XYLT1: variants seen among roughly 807,000 people sequenced by gnomAD.
XYLT1 encodes xylosyltransferase 1.
Under a neutral mutation model 91.3 loss-of-function variants are expected in XYLT1, and 36 were observed. The observed-to-expected ratio is 0.39, with a 90% CI of 0.30 to 0.52. The LOEUF (loss-of-function observed/expected upper bound fraction) is 0.52, where lower values mean the gene tolerates loss of function less well. XYLT1 is among the 20% of genes least tolerant of loss of function. XYLT1 has a pLI of 0.68. For synonymous variants in XYLT1, 588 were observed against 532.0 expected, an observed-to-expected ratio of 1.11 and a Z score of -1.45; for missense variants, 1,242 against 1,284.5, an observed-to-expected ratio of 0.97 and a Z score of 0.51.
At chr16:17,191,668 A>T (rs993285774) in intron 5 of XYLT1, among the ~76,000 whole-genome samples, 4 of 152,128 alleles carry the variant, frequency 2.6e-5, no homozygotes, top group African/African-American at 9.7e-5. Context: ...TCTTCGGGAG[A>T]CTGTAGAGAA....
chr16:17,111,147 G>A (rs752660997), intron 11 of XYLT1, among the ~76,000 whole-genome samples: 2 of 152,092 alleles, frequency 1.3e-5, no homozygotes, highest in Non-Finnish European at 2.9e-5. Context: ...TCGATAGAGT[G>A]AGACTTCATC....
chr16:17,446,321 T>C (rs757393495), intron 1 of XYLT1: 6 of 152,208 alleles, frequency 3.9e-5, no homozygotes, highest in South Asian at 2.1e-4. Context: ...CACAGATATA[T>C]AGATGTATTT....
rs888489961 is a variant in XYLT1 at position 17,198,405 on chromosome 16, A to G, written c.1096T>C (p.Tyr366His). ...YYIHVDKRSN[Y>H]LHRQVLQVSR... ...ACCTGGAGCACTTGCCGATGCAGGTAATTAGAGCGCTTTTCCCAGGAGAGA... is the reference window on the plus strand; with the variant it reads ...ACCTGGAGCACTTGCCGATGCAGGTGATTAGAGCGCTTTTCCCAGGAGAGA... Residue 366 changes from tyrosine (Y) to histidine (H), a missense_variant, in exon 5 of 12, where the codon TAC becomes CAC. This residue lies in a region of XYLT1 where 294 missense variants were observed against 376.0 expected (regional missense o/e 0.78). Transcript: ENST00000261381. 6.2e-7 allele frequency: 1 copy of G among 1,614,034 alleles called. No homozygotes were observed. The highest frequency in any genetic ancestry group is 1.1e-5 in the South Asian group (1 of 91,078).
intron 3 of XYLT1, among the ~76,000 whole-genome samples, chr16:17,230,682 G>A (rs185268292): frequency 1.7e-4 from 26 of 152,210 alleles, no homozygotes; most frequent in Admixed American, 1.6e-3. Flanking sequence ...AAGGTCATCT[G>A]AGCACCTTTC....
chr16:17,144,198 C>T (rs2031070824), intron 6 of XYLT1, among the ~76,000 whole-genome samples: 1 of 152,204 alleles, frequency 6.6e-6, no homozygotes, highest in African/African-American at 2.4e-5. Flanking sequence ...TTGCTCATCA[C>T]TCTGTGCCTG....
chr16:17,439,834 T>C (rs1450364328), intron 1 of XYLT1, among the ~76,000 whole-genome samples: 2 of 152,200 alleles, frequency 1.3e-5, no homozygotes, highest in East Asian at 3.8e-4. Flanking sequence ...GCTCCTAAGA[T>C]GGCCCCAAGG....
At chr16:17,137,299 A>G (rs970831959) in intron 8 of XYLT1, among the ~76,000 whole-genome samples, 1 of 152,136 alleles carries the variant, frequency 6.6e-6, no homozygotes, top group Non-Finnish European at 1.5e-5. Context: ...GCCAATGCCC[A>G]CACAGCCCGG....
At chr16:17,468,544 C>T (rs575555783) in intron 1 of XYLT1, among the ~76,000 whole-genome samples, 3 of 152,102 alleles carry the variant, frequency 2.0e-5, no homozygotes, top group Non-Finnish European at 4.4e-5. Context: ...ATAGTGTGTT[C>T]CCACCTACCT....
chr16:17,346,705 G>C (rs1262682826), intron 2 of XYLT1, among the ~76,000 whole-genome samples: 2 of 152,148 alleles, frequency 1.3e-5, no homozygotes, highest in African/African-American at 4.8e-5. Flanking sequence ...TTCTAACTGG[G>C]CCAGTGAACG....
At chr16:17,223,173 C>T (rs921878097) in intron 3 of XYLT1, among the ~76,000 whole-genome samples, 3 of 152,234 alleles carry the variant, frequency 2.0e-5, no homozygotes, top group South Asian at 4.1e-4. Flanking sequence ...CCTTGCCTCC[C>T]GCTGTGCCCC....
At chr16:17,340,781 C>T (rs1411872247) in intron 2 of XYLT1, among the ~76,000 whole-genome samples, 2 of 152,202 alleles carry the variant, frequency 1.3e-5, no homozygotes, top group Non-Finnish European at 2.9e-5. Flanking sequence ...CAGGGGCTGG[C>T]ACATAGTAAA....
chr16:17,183,194 A>G (rs1172203242), intron 5 of XYLT1, among the ~76,000 whole-genome samples: 2 of 152,168 alleles, frequency 1.3e-5, no homozygotes, highest in African/African-American at 2.4e-5. Context: ...GTGCTGTTCT[A>G]TATGTCATCT....
At chr16:17,145,676 T>C (rs902424880) in intron 6 of XYLT1, among the ~76,000 whole-genome samples, 17 of 152,196 alleles carry the variant, frequency 1.1e-4, no homozygotes, top group Non-Finnish European at 2.2e-4. Flanking sequence ...GCTTAAGGCA[T>C]TTTTGAGATG....
chr16:17,328,538 G>C (rs2141836261), intron 2 of XYLT1, among the ~76,000 whole-genome samples: 1 of 93,466 alleles, frequency 1.1e-5, no homozygotes, highest in Non-Finnish European at 2.0e-5. Context: ...GACTGAGCAA[G>C]ACTCCTTCTC....
Position 17,470,878 on chromosome 16 carries a change from C to G in XYLT1, c.-82G>C, listed in dbSNP as rs2036983415. On this transcript the variant is annotated 5_prime_UTR_variant, in exon 1 of 12. Transcript: ENST00000261381. ...CCCGCGCTCCCCGCAGCTCCCGCGG[C>G]CGCCGGCTGCCGCTCGGGCTCCCGC... The G allele has an allele frequency of 7.3e-6, 6 of 827,278 alleles. No individual in the cohort carries two copies. The highest frequency in any genetic ancestry group is 2.0e-3 in the Admixed American group (2 of 1,020). The allele number at this position is 827,278 out of a possible 1,614,324, so 51.2% of individuals were successfully genotyped here.
intron 5 of XYLT1, among the ~76,000 whole-genome samples, chr16:17,178,581 A>T (rs975491341): frequency 1.3e-5 from 2 of 152,132 alleles, no homozygotes; most frequent in African/African-American, 4.8e-5. Context: ...AACATGGGAG[A>T]TCTGGCAGAA....
intron 2 of XYLT1, among the ~76,000 whole-genome samples, chr16:17,303,144 T>C (rs1430180918): frequency 1.3e-5 from 2 of 152,176 alleles, no homozygotes; most frequent in Non-Finnish European, 2.9e-5. Context: ...TTGGGCTCCC[T>C]GCATGAGATA....
chr16:17,399,575 T>C (rs1279606148), intron 1 of XYLT1, among the ~76,000 whole-genome samples: 1 of 152,236 alleles, frequency 6.6e-6, no homozygotes, highest in African/African-American at 2.4e-5. Context: ...CATGCCCCGG[T>C]TGCACAGTCC....
chr16:17,320,902 A>G (rs2034708962), intron 2 of XYLT1, among the ~76,000 whole-genome samples: 1 of 151,960 alleles, frequency 6.6e-6, no homozygotes, highest in Admixed American at 6.6e-5. Context: ...ACATACATAA[A>G]GGACTTCGGT....
Sources: allele counts gnomAD v4.1 joint callset (sites outside exome capture counted in the v4.1 genomes callset), GRCh38; gene constraint gnomAD v4.1.1; regional missense constraint gnomAD v4.1.1; transcripts MANE v1.5; gene names NCBI Gene and HGNC (gene_info 2026-07-23, HGNC 2026-07-21).